ALMS1: variants seen among roughly 807,000 people sequenced by gnomAD.
The protein encoded by ALMS1 is ALMS1 centrosome and basal body associated protein.
ALMS1 carries 271 observed loss-of-function variants against 352.2 expected under a neutral mutation model. The observed-to-expected ratio is 0.77, with a 90% CI of 0.70 to 0.85. The LOEUF (loss-of-function observed/expected upper bound fraction) is 0.85, where lower values mean the gene tolerates loss of function less well. ALMS1 is among the 40% of genes least tolerant of loss of function. The pLI is 0.00. For missense variants in ALMS1, 5,445 were observed against 4,870.7 expected (o/e 1.12, Z -3.51); for synonymous variants, 1,865 against 1,761.2 (o/e 1.06, Z -1.48).
chr2:73,507,375 C>G (rs905364512), intron 10 of ALMS1, among the ~76,000 whole-genome samples: 4 of 152,164 alleles, frequency 2.6e-5, no homozygotes, highest in Non-Finnish European at 5.9e-5. Context: ...CTTTGTACCT[C>G]TGGTAGAATT....
At chr2:73,573,573 G>A in intron 16 of ALMS1, 149 bp downstream of exon 16, 1 of 801,232 alleles carries the variant, frequency 1.2e-6, no homozygotes, top group South Asian at 1.4e-5. Flanking sequence ...AGAAAGTGTA[G>A]TACAGTGCTA....
In ALMS1 at chr2:73,452,655, C is replaced by A; in HGVS notation, c.6128C>A (p.Ala2043Asp). The A allele has an allele frequency of 6.2e-7, 1 of 1,614,012 alleles. No homozygotes were observed. Among genetic ancestry groups the A allele is most frequent in the Non-Finnish European group, 8.5e-7 (1 of 1,179,982 alleles). The change falls in exon 8 of 23, where the codon GCT becomes GAT. Residue 2043 changes from alanine (A) to aspartate (D), a missense_variant. Ala to Asp is a moderately radical substitution (Grantham distance 126). Coordinates refer to ENST00000613296, the MANE Select transcript of ALMS1 (RefSeq NM_001378454.1). ...PNDQKTPSQT[A>D]FHSSYSQTVK... ...GACCAGAAGACTCCATCCCAGACAG[C>A]TTTTCATAGTTCCTATTCTCAAACA...
At chr2:73,403,428 C>A (rs972860807) in intron 1 of ALMS1, among the ~76,000 whole-genome samples, 1 of 152,132 alleles carries the variant, frequency 6.6e-6, no homozygotes, top group African/African-American at 2.4e-5. Flanking sequence ...GTTTGGGTTA[C>A]TATAACTTTG....
intron 7 of ALMS1, among the ~76,000 whole-genome samples, chr2:73,435,641 C>T (rs1572921847): frequency 6.6e-6 from 1 of 151,392 alleles, no homozygotes; most frequent in Non-Finnish European, 1.5e-5. Context: ...TGCTCTGTTG[C>T]CCAGGTTGGA....
chr2:73,452,380 T>G lies in ALMS1; in HGVS notation c.5853T>G (p.Ser1951=). Residue 1951 remains serine, a synonymous_variant, in exon 8 of 23, where the codon TCT becomes TCG. Coordinates refer to ENST00000613296, the MANE Select transcript of ALMS1 (RefSeq NM_001378454.1). ...YSRREKPSVI[S]QQELPDSHLT... ...GTAGAGAGAAGCCCAGTGTTATCTC[T>G]CAACAGGAGTTGCCAGACAGTCATC... 2 of 1,613,766 alleles carry G rather than the reference T, an allele frequency of 1.2e-6. No homozygotes were observed. Among genetic ancestry groups the G allele is most frequent in the East Asian group, 4.5e-5 (2 of 44,824 alleles).
At chr2:73,484,458 G>A (rs1572963960) in intron 9 of ALMS1, among the ~76,000 whole-genome samples, 1 of 151,130 alleles carries the variant, frequency 6.6e-6, no homozygotes, top group East Asian at 1.9e-4. Flanking sequence ...TAGTCTGATG[G>A]GCTTCCCTTT....
In ALMS1 at chr2:73,487,901, A is replaced by T. The variant is rs141792911; in HGVS notation, c.7675-1733A>T. Reference sequence around the variant, plus strand: ...TAATCTGCATCTTTCAGCAGAGAAGAGACCCGGAGTGGCTAGCTCCTATCT... The same window carrying T: ...TAATCTGCATCTTTCAGCAGAGAAGTGACCCGGAGTGGCTAGCTCCTATCT... On this transcript the variant is annotated intron_variant, in intron 9 of 22. Coordinates refer to ENST00000613296, the MANE Select transcript of ALMS1 (RefSeq NM_001378454.1). 4.6e-5 allele frequency among the ~76,000 whole-genome samples: 7 copies of T among 152,286 alleles called. No individual in the cohort carries two copies. In the East Asian group the frequency reaches 9.7e-4, roughly 21 times the overall value.
Position 73,455,177 on chromosome 2 carries a change from T to A in ALMS1, c.7556T>A (p.Phe2519Tyr). 1 of 1,614,062 alleles carries A rather than the reference T, an allele frequency of 6.2e-7. No homozygotes were observed. The highest frequency in any genetic ancestry group is 8.5e-7 in the Non-Finnish European group (1 of 1,179,954). ...RVRAHAWNMKFNLAHDCGYSI... is the reference protein window; with the variant it reads ...RVRAHAWNMKYNLAHDCGYSI... The stretch of plus-strand genomic sequence containing the variant: ...TTCTCTCCAGCCTGGAATATGAAGT[T>A]CAATTTAGCACATGATTGTGGATAC... The change falls in exon 9 of 23, where the codon TTC (phenylalanine) becomes TAC (tyrosine). Residue 2519 changes from phenylalanine (F) to tyrosine (Y), a missense_variant. By Grantham distance (22) the Phe-to-Tyr change is conservative. Transcript: ENST00000613296.
intron 12 of ALMS1, among the ~76,000 whole-genome samples, chr2:73,542,297 G>A (rs1392814450): frequency 2.0e-5 from 3 of 152,082 alleles, no homozygotes; most frequent in Non-Finnish European, 2.9e-5. Context: ...ATGCAGAAAA[G>A]GCCTTTGACA....
At chr2:73,603,359 GT>G in intron 21 of ALMS1, 55 bp downstream of exon 21, 2 of 1,542,846 alleles carry the variant, frequency 1.3e-6, no homozygotes, top group Non-Finnish European at 1.8e-6. Flanking sequence ...CCACCAAGTG[GT>G]CGGGAGCTCT....
intron 5 of ALMS1, among the ~76,000 whole-genome samples, 184 bp downstream of exon 5, chr2:73,425,086 C>CTCA (rs932697571): frequency 4.0e-5 from 6 of 151,882 alleles, no homozygotes; most frequent in African/African-American, 9.7e-5. Flanking sequence ...GAAGTTGCTG[C>CTCA]TCATCATCAT....
intron 11 of ALMS1, among the ~76,000 whole-genome samples, chr2:73,524,330 C>T (rs1326539623): frequency 1.3e-5 from 2 of 152,118 alleles, no homozygotes; most frequent in African/African-American, 4.8e-5. Flanking sequence ...GGTACATGAG[C>T]TATTTTGATA....
intron 16 of ALMS1, among the ~76,000 whole-genome samples, chr2:73,575,831 T>G (rs534886527): frequency 6.7e-6 from 1 of 148,464 alleles, no homozygotes; most frequent in South Asian, 2.1e-4. Flanking sequence ...GTTTTAAATT[T>G]TGATGTAGTC....
intron 9 of ALMS1, among the ~76,000 whole-genome samples, chr2:73,474,401 G>GTA (rs1553407461): frequency 6.1e-5 from 3 of 49,050 alleles, no homozygotes; most frequent in African/African-American, 1.1e-4. Context: ...GTGTGTGTGT[G>GTA]TGTGTGTGTC....
chr2:73,454,805 G>T (rs1473011143), intron 8 of ALMS1, among the ~76,000 whole-genome samples: 1 of 152,102 alleles, frequency 6.6e-6, no homozygotes, highest in Non-Finnish European at 1.5e-5. Flanking sequence ...CCTCCAAGTT[G>T]TATTTATTAC....
intron 12 of ALMS1, among the ~76,000 whole-genome samples, chr2:73,537,963 G>A (rs755515328): frequency 1.3e-5 from 2 of 152,024 alleles, no homozygotes; most frequent in Non-Finnish European, 2.9e-5. Flanking sequence ...CTATGATTGC[G>A]CCACTGCAGT....
chr2:73,424,830 G>C lies in ALMS1; in HGVS notation c.1165G>C (p.Asp389His), dbSNP rs1671348747. 3.1e-6 allele frequency: 5 copies of C among 1,608,810 alleles called. No individual in the cohort carries two copies. The highest frequency in any genetic ancestry group is 4.2e-6 in the Non-Finnish European group (5 of 1,176,594). The change falls in exon 5 of 23, where the codon GAT becomes CAT. Residue 389 changes from aspartate (D) to histidine (H), a missense_variant. Coordinates refer to ENST00000613296, the MANE Select transcript of ALMS1 (RefSeq NM_001378454.1). The part of the protein sequence containing the change: ...NIATKRSDHF[D>H]AARSYGQYWT... ...AGCTACTAAAAGAAGTGACCATTTT[G>C]ATGCTGCTCGTTCATATGGGCAGTA...
chr2:73,545,635 T>C (rs1183423874), intron 12 of ALMS1, among the ~76,000 whole-genome samples: 5 of 152,224 alleles, frequency 3.3e-5, no homozygotes, highest in Admixed American at 6.5e-5. Context: ...CAGGAAACTT[T>C]AAGATAGCAT....
In ALMS1 at chr2:73,449,339, T is replaced by G. The variant is rs780152860; in HGVS notation, c.2812T>G (p.Ser938Ala). The change falls in exon 8 of 23, where the codon TCT becomes GCT. Residue 938 changes from serine (S) to alanine (A), a missense_variant. Physicochemically the swap from Ser to Ala is moderately conservative, Grantham distance 99. Transcript: ENST00000613296. ...AGAAGCTCTGAAGGTTTCAGCTGTT[T>G]CTGTATTGGCTGCCCAGAAGACTGG... ...PEEALKVSAV[S>A]VLAAQKTGTP... 1 of 1,614,000 alleles carries G rather than the reference T, an allele frequency of 6.2e-7. No homozygotes were observed. The highest frequency in any genetic ancestry group is 1.7e-5 in the Admixed American group (1 of 60,000).
Sources: allele counts gnomAD v4.1 joint callset (sites outside exome capture counted in the v4.1 genomes callset), GRCh38; gene constraint gnomAD v4.1.1; transcripts MANE v1.5; gene names NCBI Gene and HGNC (gene_info 2026-07-23, HGNC 2026-07-21).